Variants in TBC1D19 observed in about 807,000 individuals in gnomAD.
TBC1D19 encodes TBC1 domain family, member 19.
A neutral mutation model predicts 89.0 loss-of-function variants in TBC1D19; 60 were observed. That is an observed-to-expected ratio of 0.67 (90% CI 0.55 to 0.84). TBC1D19 has a LOEUF of 0.84. TBC1D19 is among the 40% of genes least tolerant of loss of function. The probability of loss-of-function intolerance (pLI) is 0.00; values close to 1 mark genes in which losing one functional copy is unlikely to be tolerated. For synonymous variants in TBC1D19, 189 were observed against 199.7 expected (o/e 0.95, Z 0.45); for missense variants, 500 against 610.8 (o/e 0.82, Z 1.91).
the TBC1D19 span, among the ~76,000 whole-genome samples, chr4:26,825,639 G>C: frequency 4.6e-5 from 7 of 152,308 alleles, no homozygotes; most frequent in African/African-American, 1.7e-4. Context: ...TGATCTGAGA[G>C]GTGCTATTGT....
At position 26,701,622 on chromosome 4, in the gene TBC1D19, C is replaced by G. The variant is rs553405653; in HGVS notation, c.954+13215C>G. On this transcript the variant is annotated intron_variant, in intron 13 of 20. Coordinates refer to ENST00000264866, the MANE Select transcript of TBC1D19 (RefSeq NM_018317.4). ...AAGCTTAATGTTAGTAATTTGTAGG[C>G]TAATTGATATTTTACCATCATTTTA... Among the ~76,000 whole-genome samples the G allele has an allele frequency of 7.2e-4, 110 of 152,186 alleles. 3 individuals are homozygous for G. The South Asian group carries it at 0.02, about 28-fold the overall frequency.
the TBC1D19 span, among the ~76,000 whole-genome samples, chr4:26,822,024 G>C: frequency 1.3e-5 from 2 of 152,218 alleles, no homozygotes; most frequent in Non-Finnish European, 2.9e-5. Flanking sequence ...AGATCACTTA[G>C]TCACATCATC....
the TBC1D19 span, among the ~76,000 whole-genome samples, chr4:26,804,003 C>T: frequency 6.6e-6 from 1 of 151,942 alleles, no homozygotes; most frequent in African/African-American, 2.4e-5. Flanking sequence ...TCAGCAGTCT[C>T]CCTTCCTCAC....
intron 15 of TBC1D19, among the ~76,000 whole-genome samples, chr4:26,730,190 C>T (rs1352300316): frequency 6.6e-6 from 1 of 152,142 alleles, no homozygotes; most frequent in East Asian, 1.9e-4. Flanking sequence ...TGCATATATT[C>T]ATTCTGCAAG....
intron 13 of TBC1D19, among the ~76,000 whole-genome samples, chr4:26,689,323 A>T (rs1284338106): frequency 6.6e-6 from 1 of 152,122 alleles, no homozygotes; most frequent in Non-Finnish European, 1.5e-5. Context: ...TTCCATTTTA[A>T]TATAAAGTTA....
chr4:26,854,978 AG>A, the TBC1D19 span, among the ~76,000 whole-genome samples: 12 of 152,286 alleles, frequency 7.9e-5, 1 homozygote, highest in East Asian at 2.3e-3. Context: ...GGGAGCCAAA[AG>A]TTCCATTTTT....
intron 19 of TBC1D19, among the ~76,000 whole-genome samples, chr4:26,752,369 G>A (rs868123116): frequency 1.3e-4 from 19 of 150,128 alleles, no homozygotes; most frequent in Middle Eastern, 3.4e-3. Flanking sequence ...TCAGCCTCCT[G>A]AGTAGCTGGG....
chr4:26,779,955 CAG>C, the TBC1D19 span, among the ~76,000 whole-genome samples: 1 of 152,158 alleles, frequency 6.6e-6, no homozygotes, highest in African/African-American at 2.4e-5. Context: ...TGGCCTGTGG[CAG>C]AGTGGGAAAT....
intron 1 of TBC1D19, among the ~76,000 whole-genome samples, chr4:26,593,382 A>G (rs1196158993): frequency 6.6e-6 from 1 of 152,258 alleles, no homozygotes; most frequent in Admixed American, 6.5e-5. Flanking sequence ...AAAGCATAAA[A>G]ACCCTAGAAG....
At chr4:26,659,066 C>T (rs1745057444) in intron 7 of TBC1D19, among the ~76,000 whole-genome samples, 1 of 152,118 alleles carries the variant, frequency 6.6e-6, no homozygotes, top group Non-Finnish European at 1.5e-5. Context: ...TATTTGAATA[C>T]CCTTTATTTC....
intron 8 of TBC1D19, among the ~76,000 whole-genome samples, chr4:26,660,993 G>A (rs1170343696): frequency 6.6e-6 from 1 of 152,140 alleles, no homozygotes; most frequent in Non-Finnish European, 1.5e-5. Context: ...TCTCCATAGA[G>A]CCTTAGAAAT....
upstream of TBC1D19, among the ~76,000 whole-genome samples, chr4:26,583,197 CTT>C (rs939151470): frequency 1.9e-4 from 29 of 151,820 alleles, no homozygotes; most frequent in African/African-American, 5.6e-4. Flanking sequence ...TTCACTAGGC[CTT>C]TTTTGGGGGG....
At chr4:26,825,786 G>T in the TBC1D19 span, among the ~76,000 whole-genome samples, 1 of 152,168 alleles carries the variant, frequency 6.6e-6, no homozygotes, top group Non-Finnish European at 1.5e-5. Context: ...TGTAAAACAG[G>T]GTTAATAGTA....
intron 4 of TBC1D19, among the ~76,000 whole-genome samples, chr4:26,624,126 A>G (rs1041265137): frequency 6.6e-6 from 1 of 152,082 alleles, no homozygotes; most frequent in East Asian, 1.9e-4. Context: ...TGCCTGTCCA[A>G]GTGAATCATT....
At chr4:26,769,548 C>CT in the TBC1D19 span, among the ~76,000 whole-genome samples, 50,509 of 146,014 alleles carry the variant, frequency 0.35, 9,214 homozygotes, top group South Asian at 0.43. Context: ...GTTTAAGGTT[C>CT]TTTTTTTTTT....
chr4:26,619,306 G>A (rs1741886130), intron 3 of TBC1D19, among the ~76,000 whole-genome samples: 1 of 151,186 alleles, frequency 6.6e-6, no homozygotes, highest in Non-Finnish European at 1.5e-5. Context: ...CCAGGTTCAC[G>A]CCATTCTCCT....
chr4:26,610,414 C>CTTTTTTTT (rs757861203), intron 1 of TBC1D19, among the ~76,000 whole-genome samples: 1 of 112,420 alleles, frequency 8.9e-6, no homozygotes, highest in African/African-American at 3.2e-5. Context: ...TTCTGCATTT[C>CTTTTTTTT]TTTTTTTTTT....
intron 13 of TBC1D19, among the ~76,000 whole-genome samples, chr4:26,703,854 G>A (rs1049241124): frequency 6.6e-6 from 1 of 151,368 alleles, no homozygotes; most frequent in Non-Finnish European, 1.5e-5. Flanking sequence ...CCAGCTACTC[G>A]GGAGGCTGAG....
intron 8 of TBC1D19, among the ~76,000 whole-genome samples, chr4:26,662,335 G>A (rs1005227288): frequency 6.6e-6 from 1 of 152,074 alleles, no homozygotes; most frequent in Non-Finnish European, 1.5e-5. Flanking sequence ...TAAGAATATA[G>A]TATGCCAAAA....
Sources: gnomAD v4.1 joint callset for allele counts (sites outside exome capture counted in the v4.1 genomes callset) on GRCh38, gnomAD v4.1.1 for gene constraint, MANE v1.5 for transcripts, NCBI Gene and HGNC (gene_info 2026-07-23, HGNC 2026-07-21) for gene names.